The following RBFOX3 variants were observed in gnomAD, a reference collection of about 807,000 sequenced individuals.
RBFOX3 encodes RNA binding fox-1 homolog 3, also known as RNA binding protein fox-1 homolog 3.
Under a neutral mutation model 48.7 loss-of-function variants are expected in RBFOX3, and 17 were observed. The ratio of observed to expected loss-of-function variants is 0.35; its 90% confidence interval spans 0.24 to 0.52. RBFOX3 has a LOEUF of 0.52. RBFOX3 is among the 20% of genes least tolerant of loss of function. The pLI is 0.94. For missense variants in RBFOX3, 382 were observed against 497.5 expected (o/e 0.77, Z 2.21); for synonymous variants, 212 against 209.5 (o/e 1.01, Z -0.10).
chr17:79,642,245 C>T, the RBFOX3 span, among the ~76,000 whole-genome samples: 1 of 152,116 alleles, frequency 6.6e-6, no homozygotes, highest in Non-Finnish European at 1.5e-5. Context: ...GGCCAAAGGA[C>T]ATAAAGGTCC....
In RBFOX3 at chr17:79,101,655, A is replaced by C; in HGVS notation, c.508-11T>G. 1 of 1,550,694 alleles carries C rather than the reference A, an allele frequency of 6.4e-7. No homozygotes were observed. The highest frequency in any genetic ancestry group is 8.7e-7 in the Non-Finnish European group (1 of 1,146,526). On this transcript the variant is annotated splice_polypyrimidine_tract_variant and intron_variant, in intron 8 of 14. Transcript: ENST00000693108. ...CGTGGCATTATTGACCTGTTCAAAGAGGGAAGGAGAGAGAGGAAGAGGGAG... is the reference window on the plus strand; with the variant it reads ...CGTGGCATTATTGACCTGTTCAAAGCGGGAAGGAGAGAGAGGAAGAGGGAG...
chr17:79,300,732 A>G (rs2075176660), intron 3 of RBFOX3, among the ~76,000 whole-genome samples: 1 of 152,278 alleles, frequency 6.6e-6, no homozygotes, highest in Non-Finnish European at 1.5e-5. Flanking sequence ...CTAGTTTCCA[A>G]GCCGACGTTT....
chr17:79,128,631 G>C (rs59802787), intron 4 of RBFOX3, among the ~76,000 whole-genome samples: 5 of 152,210 alleles, frequency 3.3e-5, no homozygotes, highest in Non-Finnish European at 5.9e-5. Context: ...TGAGAGCAGA[G>C]GCCCCTGACC....
intron 2 of RBFOX3, among the ~76,000 whole-genome samples, chr17:79,440,779 G>C (rs1480578154): frequency 6.6e-6 from 1 of 151,968 alleles, no homozygotes; most frequent in Non-Finnish European, 1.5e-5. Context: ...CCCACCAGAG[G>C]AAGGGCCCCC....
At chr17:79,236,121 C>T (rs1158010261) in intron 3 of RBFOX3, among the ~76,000 whole-genome samples, 2 of 152,164 alleles carry the variant, frequency 1.3e-5, no homozygotes, top group African/African-American at 4.8e-5. Context: ...CCTCAAACTC[C>T]AAGCACTCCC....
intron 1 of RBFOX3, among the ~76,000 whole-genome samples, chr17:79,582,139 C>T (rs1014199853): frequency 6.6e-6 from 1 of 150,624 alleles, no homozygotes; most frequent in Non-Finnish European, 1.5e-5. Flanking sequence ...TGTATGCATG[C>T]ATGTGCCTGC....
At chr17:79,146,370 GC>G (rs1389031664) in intron 4 of RBFOX3, among the ~76,000 whole-genome samples, 1 of 152,226 alleles carries the variant, frequency 6.6e-6, no homozygotes, top group Non-Finnish European at 1.5e-5. Context: ...TTCCCCAGGG[GC>G]CGGCAGGCCC....
intron 9 of RBFOX3, among the ~76,000 whole-genome samples, chr17:79,101,333 G>A (rs1291918163): frequency 1.3e-5 from 2 of 152,204 alleles, no homozygotes; most frequent in Non-Finnish European, 2.9e-5. Context: ...GGCACGCCTG[G>A]GAAAGTGAGA....
intron 2 of RBFOX3, among the ~76,000 whole-genome samples, chr17:79,409,940 G>A (rs2064060987): frequency 6.6e-6 from 1 of 152,240 alleles, no homozygotes; most frequent in Non-Finnish European, 1.5e-5. Flanking sequence ...GCAGATTGGA[G>A]GGAGGAATGG....
At chr17:79,568,936 G>A (rs1308440362) in intron 1 of RBFOX3, among the ~76,000 whole-genome samples, 1 of 152,000 alleles carries the variant, frequency 6.6e-6, no homozygotes, top group Non-Finnish European at 1.5e-5. Context: ...GTGCTGAGGG[G>A]TGATGGGGGC....
At position 79,540,936 on chromosome 17, in the gene RBFOX3, C is replaced by T. The variant is rs79038923; in HGVS notation, c.-319-58338G>A. ...CACTAGCTGCAAGAAAGTTCCTTCTCGCCCCTCTTCTTGAGGCCTGGGGGG... is the reference window on the plus strand; with the variant it reads ...CACTAGCTGCAAGAAAGTTCCTTCTTGCCCCTCTTCTTGAGGCCTGGGGGG... On this transcript the variant is annotated intron_variant, in intron 1 of 14. Transcript: ENST00000693108. Among the ~76,000 whole-genome samples the T allele has an allele frequency of 6.4e-3, 971 of 152,264 alleles. 10 individuals carry two copies. The highest frequency in any genetic ancestry group is 0.022 in the African/African-American group (931 of 41,534).
chr17:79,568,891 G>A (rs1430154102), intron 1 of RBFOX3, among the ~76,000 whole-genome samples: 4 of 151,950 alleles, frequency 2.6e-5, no homozygotes, highest in African/African-American at 4.8e-5. Context: ...GACCCCTGCC[G>A]CCCCACCTCC....
chr17:79,307,717 T>G lies in RBFOX3; in HGVS notation c.-74+7A>C, dbSNP rs1465655062. 6.5e-6 allele frequency: 1 copy of G among 153,722 alleles called. No individual in the cohort carries two copies. The highest frequency in any genetic ancestry group is 1.5e-5 in the Non-Finnish European group (1 of 68,050). The allele number at this position is 153,722 out of a possible 1,614,324, so 9.5% of individuals were successfully genotyped here. ...AGAAAGCATTGCGTAGAGAGGTTGGTTCTTACCTGTTTGCAGAGGGATGGC... is the reference window on the plus strand; with the variant it reads ...AGAAAGCATTGCGTAGAGAGGTTGGGTCTTACCTGTTTGCAGAGGGATGGC... On this transcript the variant is annotated splice_region_variant and intron_variant, in intron 3 of 14. Transcript: ENST00000693108.
intron 2 of RBFOX3, among the ~76,000 whole-genome samples, chr17:79,370,389 C>G (rs1434542976): frequency 6.6e-6 from 1 of 152,214 alleles, no homozygotes; most frequent in African/African-American, 2.4e-5. Flanking sequence ...AATGCTGTGG[C>G]CAAGGTGGAC....
intron 1 of RBFOX3, among the ~76,000 whole-genome samples, chr17:79,543,053 C>T (rs2089939071): frequency 6.6e-6 from 1 of 152,144 alleles, no homozygotes; most frequent in Non-Finnish European, 1.5e-5. Context: ...TCACAGCTGC[C>T]TCCCTCACAA....
rs1302078685 is a variant in RBFOX3 at position 79,204,208 on chromosome 17, C to T, written c.-34+31558G>A. On this transcript the variant is annotated intron_variant, in intron 4 of 14. Transcript: ENST00000693108. The surrounding 1 kb of genome is among the most constrained non-coding windows in gnomAD (Gnocchi z 4.5). ...GCACAGGCCAAGGGGGCAACAGCCC[C>T]AGCTCAGGAAGAAAACAGCCACACA... Among the ~76,000 whole-genome samples, 1 of 152,164 alleles carries T rather than the reference C, an allele frequency of 6.6e-6. No homozygotes were observed. The highest frequency in any genetic ancestry group is 1.5e-5 in the Non-Finnish European group (1 of 68,018).
intron 2 of RBFOX3, among the ~76,000 whole-genome samples, chr17:79,412,475 A>G (rs778982630): frequency 4.0e-5 from 6 of 151,298 alleles, no homozygotes; most frequent in Non-Finnish European, 7.4e-5. Flanking sequence ...GTGTGCACAT[A>G]TGCACATATG....
chr17:79,649,637 C>T, the RBFOX3 span, among the ~76,000 whole-genome samples: 28 of 152,164 alleles, frequency 1.8e-4, no homozygotes, highest in African/African-American at 6.0e-4. Context: ...ACCTGGGAGG[C>T]GGAGGTTGCA....
intron 3 of RBFOX3, among the ~76,000 whole-genome samples, chr17:79,300,998 G>A (rs373671659): frequency 6.6e-6 from 1 of 152,208 alleles, no homozygotes; most frequent in Non-Finnish European, 1.5e-5. Context: ...TTGACTTTGG[G>A]AGAACATGCC....
Sources: allele counts gnomAD v4.1 joint callset (sites outside exome capture counted in the v4.1 genomes callset), GRCh38; gene constraint gnomAD v4.1.1; non-coding constraint Gnocchi (gnomAD v3.1); transcripts MANE v1.5; gene names NCBI Gene and HGNC (gene_info 2026-07-23, HGNC 2026-07-21).